The following ABCC8 variants were observed in gnomAD, a reference collection of about 807,000 sequenced individuals.
ABCC8 encodes the protein ATP binding cassette subfamily C member 8, also known as ATP-binding cassette sub-family C member 8.
Under a neutral mutation model 188.0 loss-of-function variants are expected in ABCC8, and 137 were observed. The ratio of observed to expected loss-of-function variants is 0.73; its 90% CI spans 0.63 to 0.84. ABCC8 has a LOEUF of 0.84. Among genes scored for constraint, ABCC8 ranks in the 40% least tolerant of loss-of-function variants. The probability of loss-of-function intolerance (pLI) is 0.00; values close to 1 mark genes in which losing one functional copy is unlikely to be tolerated. For missense variants in ABCC8, 1,750 were observed against 2,072.7 expected (o/e 0.84, Z 3.02); for synonymous variants, 797 against 846.5 (o/e 0.94, Z 1.01).
chr11:17,461,590 G>C lies in ABCC8; in HGVS notation c.815C>G (p.Ala272Gly), dbSNP rs1432146940. 2 of 1,614,102 alleles carry C rather than the reference G, an allele frequency of 1.2e-6. No individual in the cohort carries two copies. Among genetic ancestry groups the C allele is most frequent in the Admixed American group, 1.7e-5 (1 of 60,010 alleles). ...GGCTGTGCCCCCACTGACCACCTGG[G>C]CGTCAAAGGCCTCGCAGAGCCGTTG... The part of the protein sequence containing the change: ...NYQRLCEAFD[A>G]QVRKDIQGTQ... Residue 272 changes from alanine (A) to glycine (G), a missense_variant, in exon 5 of 39, where the codon GCC becomes GGC. By Grantham distance (60) the Ala-to-Gly change is moderately conservative (BLOSUM62 0). Transcript: ENST00000389817.
At chr11:17,423,731 C>T (rs1304611017) in intron 16 of ABCC8, among the ~76,000 whole-genome samples, 2 of 152,166 alleles carry the variant, frequency 1.3e-5, no homozygotes, top group Admixed American at 1.3e-4. Context: ...TGAGGACCCA[C>T]GTGGCAGTTC....
At chr11:17,402,301 A>G (rs908303672) in intron 29 of ABCC8, among the ~76,000 whole-genome samples, 11 of 152,154 alleles carry the variant, frequency 7.2e-5, no homozygotes, top group African/African-American at 2.7e-4. Context: ...TACTCAGCAT[A>G]GTGTTTGGCA....
rs190918922 is a variant in ABCC8, at chr11:17,397,131, G to T, written c.3988+62C>A. 7.6e-5 allele frequency: 122 copies of T among 1,613,332 alleles called. No homozygotes were observed. The East Asian group carries it at 2.7e-3, about 36-fold the overall frequency. ...CACCCCATCCCCAGGCTCCCTTGTG[G>T]CCCCCAACCCAGACACACTCCTCCT... On this transcript the variant is annotated intron_variant, in intron 32 of 38. Coordinates refer to ENST00000389817, the MANE Select transcript of ABCC8 (RefSeq NM_000352.6).
intron 29 of ABCC8, among the ~76,000 whole-genome samples, chr11:17,399,645 A>G (rs73419242): frequency 0.011 from 1,624 of 152,304 alleles, 31 homozygotes; most frequent in African/African-American, 0.036. Context: ...GCTCCACAGT[A>G]TCTGCTGTAC....
chr11:17,469,719 T>A (rs931291791), intron 3 of ABCC8, among the ~76,000 whole-genome samples: 1 of 152,280 alleles, frequency 6.6e-6, no homozygotes, highest in East Asian at 1.9e-4. Context: ...CTTTGCCAAA[T>A]CTATCCCTAT....
At chr11:17,434,981 T>TCA (rs201728886) in intron 10 of ABCC8, among the ~76,000 whole-genome samples, 2 of 127,774 alleles carry the variant, frequency 1.6e-5, no homozygotes, top group African/African-American at 6.7e-5. Flanking sequence ...CTGCGTGTGT[T>TCA]CGCGTGTGTG....
chr11:17,463,125 G>A (rs573501735), intron 4 of ABCC8, among the ~76,000 whole-genome samples: 49 of 152,090 alleles, frequency 3.2e-4, no homozygotes, highest in African/African-American at 8.7e-4. Flanking sequence ...CCCCACCCCC[G>A]AAGAAAGAAA....
chr11:17,396,707 A>T (rs1356505707), intron 33 of ABCC8: 6 of 631,694 alleles, frequency 9.5e-6, no homozygotes, highest in Non-Finnish European at 1.6e-5. Context: ...GTGAGAAGAC[A>T]AGGCCTGAGG....
intron 17 of ABCC8, 88 bp downstream of exon 17, chr11:17,416,842 T>A: frequency 6.4e-7 from 1 of 1,555,870 alleles, no homozygotes; most frequent in Non-Finnish European, 8.8e-7. Flanking sequence ...GAATCCATAC[T>A]CAGCATTACC....
chr11:17,428,540 T>G, intron 13 of ABCC8, 25 bp downstream of exon 13: 1 of 1,613,352 alleles, frequency 6.2e-7, no homozygotes, highest in Non-Finnish European at 8.5e-7. Context: ...ATGCTGGGAG[T>G]AGCAAGGGGA....
In ABCC8 at chr11:17,427,734, A is replaced by G; in HGVS notation, c.2116+133T>C. ...CTCTAGAATGTAGCCTTCCCCTTCT[A>G]TAATATACCCAGGGCATACACCAAG... On this transcript the variant is annotated intron_variant, in intron 15 of 38. Transcript: ENST00000389817. The surrounding 1 kb of genome is among the most constrained non-coding windows in gnomAD (Gnocchi z 5.0). The G allele has an allele frequency of 2.4e-6, 3 of 1,269,286 alleles. No homozygotes were observed. The highest frequency in any genetic ancestry group is 1.4e-5 in the South Asian group (1 of 69,052). The allele number at this position is 1,269,286 out of a possible 1,614,324, so 78.6% of individuals were successfully genotyped here.
chr11:17,397,484 T>C (rs1198045636), intron 31 of ABCC8, 171 bp from the exon 32 acceptor site: 21 of 1,449,766 alleles, frequency 1.4e-5, no homozygotes, highest in Non-Finnish European at 2.0e-5. Flanking sequence ...GGGTCAGTCA[T>C]GTGGCTCCCC....
chr11:17,428,618 A>T lies in ABCC8; in HGVS notation c.1870T>A (p.Cys624Ser), dbSNP rs1955704929. 1 of 1,613,922 alleles carries T rather than the reference A, an allele frequency of 6.2e-7. No homozygotes were observed. Among genetic ancestry groups the T allele is most frequent in the Non-Finnish European group, 8.5e-7 (1 of 1,180,036 alleles). Residue 624 changes from cysteine (C) to serine (S), a missense_variant, in exon 13 of 39, where the codon TGT (cysteine) becomes AGT (serine). Physicochemically the swap from Cys to Ser is moderately radical, Grantham distance 112. Coordinates refer to ENST00000389817, the MANE Select transcript of ABCC8 (RefSeq NM_000352.6). ...LSSAEIREEQ[C>S]APHEPTPQGP... ...TGAGGTGTGGGCTCATGGGGGGCACACTGCTCCTCACGGATCTCTGCACTG... is the reference window on the plus strand; with the variant it reads ...TGAGGTGTGGGCTCATGGGGGGCACTCTGCTCCTCACGGATCTCTGCACTG...
intron 30 of ABCC8, among the ~76,000 whole-genome samples, chr11:17,398,048 C>T (rs1954037332): frequency 6.6e-6 from 1 of 152,108 alleles, no homozygotes; most frequent in Non-Finnish European, 1.5e-5. Flanking sequence ...CCTCAGCTGG[C>T]CCACAAACAC....
intron 35 of ABCC8, 108 bp from the exon 36 acceptor site, chr11:17,395,383 T>C: frequency 1.3e-6 from 2 of 1,539,468 alleles, no homozygotes; most frequent in Non-Finnish European, 1.7e-6. Context: ...GAGGTCTGGC[T>C]GGGAGAAGCA....
chr11:17,400,004 T>C (rs1954153880), intron 29 of ABCC8, among the ~76,000 whole-genome samples: 1 of 152,216 alleles, frequency 6.6e-6, no homozygotes, highest in South Asian at 2.1e-4. Flanking sequence ...AGCACTTGTT[T>C]GATGATGGAG....
At chr11:17,453,487 C>T (rs1356308979) in intron 6 of ABCC8, 3 of 219,684 alleles carry the variant, frequency 1.4e-5, no homozygotes, top group East Asian at 3.6e-4. Context: ...AGGTTGCTTA[C>T]ACCCTGTTCA....
chr11:17,464,593 G>A (rs760758357), intron 3 of ABCC8, among the ~76,000 whole-genome samples: 1 of 152,214 alleles, frequency 6.6e-6, no homozygotes, highest in Non-Finnish European at 1.5e-5. Context: ...CGCAGCGGGT[G>A]CTCTTTGGAC....
In ABCC8 at chr11:17,397,803, G is replaced by A. The variant is rs1591717230; in HGVS notation, c.3754-6C>T. The A allele has an allele frequency of 6.2e-7, 1 of 1,613,442 alleles. No homozygotes were observed. Among genetic ancestry groups the A allele is most frequent in the South Asian group, 1.1e-5 (1 of 91,082 alleles). On this transcript the variant is annotated splice_polypyrimidine_tract_variant and splice_region_variant and intron_variant, in intron 30 of 38. Coordinates refer to ENST00000389817, the MANE Select transcript of ABCC8 (RefSeq NM_000352.6). ...ACACATGCACCGATGTACTCCTGGG[G>A]AGGGAGAGGAGCTGACCTGGGCGCT...
Sources: gnomAD v4.1 joint callset for allele counts (sites outside exome capture counted in the v4.1 genomes callset) on GRCh38, gnomAD v4.1.1 for gene constraint, Gnocchi (gnomAD v3.1) non-coding constraint, MANE v1.5 for transcripts, NCBI Gene and HGNC (gene_info 2026-07-23, HGNC 2026-07-21) for gene names.